The following PHF20 variants were observed in gnomAD, a reference collection of about 807,000 sequenced individuals.
The protein encoded by PHF20 is PHD finger protein 20.
A neutral mutation model predicts 113.5 loss-of-function variants in PHF20; 23 were observed. That is an observed-to-expected ratio of 0.20 (90% confidence interval 0.15 to 0.29). The LOEUF is 0.29. Among genes scored for constraint, PHF20 ranks in the 10% least tolerant of loss-of-function variants. The probability of loss-of-function intolerance (pLI) is 1.00; values close to 1 mark genes in which losing one functional copy is unlikely to be tolerated. For synonymous variants in PHF20, 434 were observed against 457.3 expected, an observed-to-expected ratio of 0.95 and a Z score of 0.65; for missense variants, 943 against 1,219.6, an observed-to-expected ratio of 0.77 and a Z score of 3.38.
At chr20:35,834,744 A>G (rs955695917) in intron 2 of PHF20, among the ~76,000 whole-genome samples, 3 of 152,052 alleles carry the variant, frequency 2.0e-5, no homozygotes, top group Non-Finnish European at 2.9e-5. Context: ...TCATAATACA[A>G]ACTCAGGAAT....
At chr20:35,854,836 CTG>C in intron 4 of PHF20, among the ~76,000 whole-genome samples, 1 of 152,240 alleles carries the variant, frequency 6.6e-6, no homozygotes, top group East Asian at 1.9e-4. Flanking sequence ...CCAAAGATAG[CTG>C]TCTCAGACTT....
At chr20:35,854,583 A>G (rs1002588814) in intron 4 of PHF20, among the ~76,000 whole-genome samples, 1 of 151,708 alleles carries the variant, frequency 6.6e-6, no homozygotes, top group Non-Finnish European at 1.5e-5. Context: ...TTGAAGCCCA[A>G]GTTAGGCTGT....
Position 35,805,446 on chromosome 20 carries a change from A to C in PHF20, c.83+3841A>C, listed in dbSNP as rs188962850. On this transcript the variant is annotated intron_variant, in intron 2 of 17. Transcript: ENST00000374012. ...CGCCCAGGCTGGAGTGCAGTGGCGC[A>C]ATCTCGGCTCACTGCAAGCTCCGCC... Among the ~76,000 whole-genome samples the C allele has an allele frequency of 2.0e-5, 3 of 148,728 alleles. No homozygotes were observed. The East Asian group carries it at 6.1e-4, about 30-fold the overall frequency.
chr20:35,788,009 C>T (rs1012337486), intron 1 of PHF20, among the ~76,000 whole-genome samples: 2 of 151,724 alleles, frequency 1.3e-5, no homozygotes, highest in Non-Finnish European at 2.9e-5. Flanking sequence ...AACTCCTGGC[C>T]TTAAGTGATC....
chr20:35,862,512 G>A (rs1385480410), intron 5 of PHF20, among the ~76,000 whole-genome samples: 1 of 152,190 alleles, frequency 6.6e-6, no homozygotes, highest in East Asian at 1.9e-4. Context: ...AGGATTGCTT[G>A]AGCCCAGGAG....
chr20:35,948,582 G>A lies in PHF20; in HGVS notation c.*955G>A, dbSNP rs1212219243. The A allele has an allele frequency of 2.6e-5, 4 of 152,512 alleles. No individual in the cohort carries two copies. Among genetic ancestry groups the A allele is most frequent in the South Asian group, 2.1e-4 (1 of 4,828 alleles). 9.4% of individuals were successfully genotyped at this position (152,512 alleles called of 1,614,324 possible). On this transcript the variant is annotated 3_prime_UTR_variant, in exon 18 of 18. Coordinates refer to ENST00000374012, the MANE Select transcript of PHF20 (RefSeq NM_016436.5). ...TCCTGAAGGGTGTTTAGTAGTCAGCGTTTTCAGAATTGTTTTGTTACTATA... is the reference window on the plus strand; with the variant it reads ...TCCTGAAGGGTGTTTAGTAGTCAGCATTTTCAGAATTGTTTTGTTACTATA...
chr20:35,874,830 A>C (rs1199404528), intron 9 of PHF20, among the ~76,000 whole-genome samples: 1 of 151,934 alleles, frequency 6.6e-6, no homozygotes, highest in African/African-American at 2.4e-5. Flanking sequence ...GAAAATAGTG[A>C]ATCTCAGCAC....
At chr20:35,940,808 A>C (rs927689770) in intron 16 of PHF20, 56 bp from the exon 17 acceptor site, 12 of 1,448,044 alleles carry the variant, frequency 8.3e-6, no homozygotes, top group Non-Finnish European at 1.1e-5. Flanking sequence ...TGGCTGGTTG[A>C]AAAATGGGCC....
At chr20:35,946,561 A>G (rs1181106788) in intron 17 of PHF20, among the ~76,000 whole-genome samples, 1 of 151,938 alleles carries the variant, frequency 6.6e-6, no homozygotes, top group African/African-American at 2.4e-5. Flanking sequence ...ATACAAATAG[A>G]CCTTTTCAAG....
chr20:35,896,885 CTT>C lies in PHF20; in HGVS notation c.1283-2482_1283-2481del, dbSNP rs1371604158. 2.7e-5 allele frequency among the ~76,000 whole-genome samples: 4 copies of C among 149,156 alleles called. No homozygotes were observed. In the South Asian group the frequency reaches 8.5e-4, roughly 32 times the overall value. ...CGACTATTGCCTTCTGCTTATTTGT[CTT>C]TTAGGGTCATGCTTTTATTGTCTCT... On this transcript the variant is annotated intron_variant, in intron 9 of 17. Coordinates refer to ENST00000374012, the MANE Select transcript of PHF20 (RefSeq NM_016436.5).
chr20:35,874,815 T>G (rs2054488559), intron 9 of PHF20, among the ~76,000 whole-genome samples: 1 of 152,092 alleles, frequency 6.6e-6, no homozygotes, highest in Non-Finnish European at 1.5e-5. Context: ...GTAGAGCAGC[T>G]GTTTGAAAAT....
At chr20:35,945,276 G>A (rs1906626118) in intron 17 of PHF20, among the ~76,000 whole-genome samples, 1 of 152,176 alleles carries the variant, frequency 6.6e-6, no homozygotes, top group African/African-American at 2.4e-5. Flanking sequence ...ATAGTGGCAA[G>A]CAAGGCAGAC....
At chr20:35,933,336 G>A (rs2055799842) in intron 15 of PHF20, among the ~76,000 whole-genome samples, 1 of 149,334 alleles carries the variant, frequency 6.7e-6, no homozygotes, top group Non-Finnish European at 1.5e-5. Context: ...GGGTTCAAGC[G>A]ATTCTCCTGC....
intron 3 of PHF20, chr20:35,845,389 G>T: frequency 2.5e-6 from 1 of 393,736 alleles, no homozygotes. Flanking sequence ...TTAAAGAGAC[G>T]TTTTCTTGCT....
chr20:35,834,787 T>G (rs1568628555), intron 2 of PHF20, among the ~76,000 whole-genome samples: 2 of 152,192 alleles, frequency 1.3e-5, no homozygotes, highest in East Asian at 3.8e-4. Flanking sequence ...TAGGGCATAG[T>G]TCCTGCCCTG....
chr20:35,882,095 T>C (rs1264243611), intron 9 of PHF20, among the ~76,000 whole-genome samples: 1 of 152,252 alleles, frequency 6.6e-6, no homozygotes, highest in Non-Finnish European at 1.5e-5. Flanking sequence ...ACTTTTTAAA[T>C]GTGTTCATTG....
In PHF20 at chr20:35,949,408, A is replaced by G. The variant is rs2056139752; in HGVS notation, c.*1781A>G. On this transcript the variant is annotated 3_prime_UTR_variant, in exon 18 of 18. Transcript: ENST00000374012. ...TTACTGATTTTTCTTTTCTGAAAAT[A>G]CATTTGAGTTTTAATCACATCTGTG... 1 of 152,692 alleles carries G rather than the reference A, an allele frequency of 6.5e-6. No homozygotes were observed. Among genetic ancestry groups the G allele is most frequent in the Non-Finnish European group, 1.5e-5 (1 of 68,050 alleles). The allele number at this position is 152,692 out of a possible 1,614,324, so 9.5% of individuals were successfully genotyped here.
chr20:35,876,218 C>T (rs2054518148), intron 9 of PHF20, among the ~76,000 whole-genome samples: 1 of 152,044 alleles, frequency 6.6e-6, no homozygotes, highest in African/African-American at 2.4e-5. Context: ...AGCATGGAAC[C>T]CATTACTGTA....
At chr20:35,788,182 C>T (rs191202945) in intron 1 of PHF20, among the ~76,000 whole-genome samples, 3 of 151,520 alleles carry the variant, frequency 2.0e-5, no homozygotes, top group African/African-American at 4.8e-5. Context: ...CTGCAAGCTC[C>T]GCCTCCCAGG....
Sources: gnomAD v4.1 joint callset for allele counts (sites outside exome capture counted in the v4.1 genomes callset) on GRCh38, gnomAD v4.1.1 for gene constraint, MANE v1.5 for transcripts, NCBI Gene and HGNC (gene_info 2026-07-23, HGNC 2026-07-21) for gene names.